The following NRCAM variants were observed in gnomAD, a reference collection of about 807,000 sequenced individuals.
NRCAM encodes neuronal cell adhesion molecule, also known as NgCAM-related cell adhesion molecule.
NRCAM carries 83 observed loss-of-function variants against 156.5 expected under a neutral mutation model. That is an observed-to-expected ratio of 0.53 (90% confidence interval 0.44 to 0.64). NRCAM has a LOEUF of 0.64. Ranked by LOEUF, NRCAM falls within the 30% of genes least tolerant of loss-of-function variation. The probability of loss-of-function intolerance (pLI) is 0.00; values close to 1 mark genes in which losing one functional copy is unlikely to be tolerated. For synonymous variants in NRCAM, 538 were observed against 563.9 expected (o/e 0.95, Z 0.65); for missense variants, 1,417 against 1,597.3 (o/e 0.89, Z 1.92).
chr7:108,289,615 C>G (rs78736534), intron 3 of NRCAM, among the ~76,000 whole-genome samples: 1 of 152,100 alleles, frequency 6.6e-6, no homozygotes, highest in African/African-American at 2.4e-5. Flanking sequence ...ACATGGGAGG[C>G]ACTCAAGAAA....
At chr7:108,455,587 G>T (rs1200480707) in intron 1 of NRCAM, among the ~76,000 whole-genome samples, 1 of 152,120 alleles carries the variant, frequency 6.6e-6, no homozygotes, top group Non-Finnish European at 1.5e-5. Context: ...TCTGTCCTCC[G>T]TGTCTCTCTC....
chr7:108,191,246 T>C lies in NRCAM; in HGVS notation c.1933+8A>G, dbSNP rs776419307. On this transcript the variant is annotated splice_region_variant and intron_variant, in intron 19 of 32. Transcript: ENST00000379028. ...GAAAACAGAGAAAGAAGACTCATAT[T>C]AGTTTACCGTAAACGGGAGCTGGAG... The C allele has an allele frequency of 6.2e-7, 1 of 1,602,164 alleles. No individual in the cohort carries two copies. The highest frequency in any genetic ancestry group is 8.5e-7 in the Non-Finnish European group (1 of 1,172,998).
intron 1 of NRCAM, among the ~76,000 whole-genome samples, chr7:108,431,043 GAATA>G (rs747389706): frequency 7.4e-4 from 113 of 152,306 alleles, no homozygotes; most frequent in African/African-American, 1.4e-3. Flanking sequence ...TTTGCTGAAT[GAATA>G]AATAAACAAT....
At chr7:108,177,715 ACG>A (rs1319588220) in intron 26 of NRCAM, among the ~76,000 whole-genome samples, 210 of 19,598 alleles carry the variant, frequency 0.011, 1 homozygote, top group Admixed American at 0.057. Flanking sequence ...ATATATATAT[ACG>A]TGTGTATATA....
intron 2 of NRCAM, among the ~76,000 whole-genome samples, chr7:108,352,809 T>C (rs2099428328): frequency 6.6e-6 from 1 of 152,134 alleles, no homozygotes; most frequent in Non-Finnish European, 1.5e-5. Flanking sequence ...GAGTCCTGAA[T>C]TGTTCTCTTT....
intron 3 of NRCAM, among the ~76,000 whole-genome samples, chr7:108,240,620 C>T (rs763045253): frequency 6.6e-6 from 1 of 152,154 alleles, no homozygotes; most frequent in Non-Finnish European, 1.5e-5. Flanking sequence ...CACTAATTTA[C>T]CAGATGAGCA....
intron 29 of NRCAM, 142 bp downstream of exon 29, chr7:108,168,135 A>G (rs1015816519): frequency 4.5e-6 from 4 of 879,380 alleles, no homozygotes; most frequent in South Asian, 2.8e-5. Flanking sequence ...ATGGTTCACT[A>G]TAATTTTTTT....
chr7:108,329,098 C>T (rs1402085061), intron 2 of NRCAM, among the ~76,000 whole-genome samples: 1 of 152,114 alleles, frequency 6.6e-6, no homozygotes, highest in Non-Finnish European at 1.5e-5. Context: ...TTCTTACTTT[C>T]TTTCCCCCTA....
At chr7:108,308,709 A>T (rs1167964029) in intron 3 of NRCAM, among the ~76,000 whole-genome samples, 2 of 152,156 alleles carry the variant, frequency 1.3e-5, no homozygotes, top group Non-Finnish European at 1.5e-5. Context: ...CTTCAAACAC[A>T]TTTCAACTGC....
chr7:108,331,889 C>T (rs1044965584), intron 2 of NRCAM, among the ~76,000 whole-genome samples: 2 of 152,178 alleles, frequency 1.3e-5, no homozygotes, highest in African/African-American at 2.4e-5. Flanking sequence ...ATGATGGATG[C>T]TTTTCTTTTG....
At chr7:108,168,931 G>A (rs768613213) in intron 28 of NRCAM, among the ~76,000 whole-genome samples, 2 of 152,170 alleles carry the variant, frequency 1.3e-5, no homozygotes, top group Non-Finnish European at 2.9e-5. Context: ...ACTTCTTTGA[G>A]TATCACTGGG....
rs147348539 is a variant in NRCAM at position 108,176,450 on chromosome 7, G to C, written c.3131C>G (p.Ala1044Gly). The C allele has an allele frequency of 6.2e-7, 1 of 1,613,068 alleles. No homozygotes were observed. The highest frequency in any genetic ancestry group is 8.5e-7 in the Non-Finnish European group (1 of 1,179,604). ...CTTACCTTCATCCACAGTTGTTACT[G>C]CTTCCTCTGTAATTTGACTTCCTGA... ...AGSGSQITEE[A>G]VTTVDEAGIL... Residue 1044 changes from alanine (A) to glycine (G), a missense_variant, in exon 27 of 33, where the codon GCA becomes GGA. This residue lies in a region of NRCAM where 1,238 missense variants were observed against 1,336.4 expected (regional missense o/e 0.93). Coordinates refer to ENST00000379028, the MANE Select transcript of NRCAM (RefSeq NM_001037132.4).
intron 20 of NRCAM, among the ~76,000 whole-genome samples, chr7:108,185,204 T>G (rs549647555): frequency 1.3e-5 from 2 of 152,292 alleles, no homozygotes; most frequent in South Asian, 4.1e-4. Flanking sequence ...AACTTCTATA[T>G]AAGACAGTTT....
At chr7:108,420,427 A>G (rs1034548894) in intron 1 of NRCAM, among the ~76,000 whole-genome samples, 6 of 152,172 alleles carry the variant, frequency 3.9e-5, no homozygotes, top group Admixed American at 2.0e-4. Context: ...CAATATATGA[A>G]TTGCTGATCT....
At chr7:108,193,509 C>A (rs1463114408) in intron 17 of NRCAM, among the ~76,000 whole-genome samples, 1 of 152,218 alleles carries the variant, frequency 6.6e-6, no homozygotes, top group Non-Finnish European at 1.5e-5. Context: ...TTAATGAAAT[C>A]TGCAGCATGC....
At chr7:108,392,042 A>G (rs764119073) in intron 2 of NRCAM, among the ~76,000 whole-genome samples, 33 of 152,090 alleles carry the variant, frequency 2.2e-4, no homozygotes, top group Non-Finnish European at 4.7e-4. Context: ...GAATCTGACA[A>G]TTATGTGTCT....
chr7:108,430,250 T>C (rs959147603), intron 1 of NRCAM, among the ~76,000 whole-genome samples: 41 of 152,192 alleles, frequency 2.7e-4, no homozygotes, highest in African/African-American at 9.4e-4. Context: ...ACTTTCATTG[T>C]TAGAGGATCC....
chr7:108,182,409 G>C (rs993958741), intron 23 of NRCAM, among the ~76,000 whole-genome samples: 2 of 152,144 alleles, frequency 1.3e-5, no homozygotes, highest in Non-Finnish European at 2.9e-5. Context: ...TCATATAGGA[G>C]GGTTCCATAG....
At chr7:108,179,326 A>G (rs1297518139) in intron 25 of NRCAM, among the ~76,000 whole-genome samples, 1 of 152,098 alleles carries the variant, frequency 6.6e-6, no homozygotes, top group Non-Finnish European at 1.5e-5. Flanking sequence ...ATGAGATGGG[A>G]GCTGGGATGC....
Sources: gnomAD v4.1 joint callset for allele counts (sites outside exome capture counted in the v4.1 genomes callset) on GRCh38, gnomAD v4.1.1 for gene constraint, gnomAD v4.1.1 regional missense constraint, MANE v1.5 for transcripts, NCBI Gene and HGNC (gene_info 2026-07-23, HGNC 2026-07-21) for gene names.